Variants in FSD1L observed in about 807,000 individuals in gnomAD.
FSD1L encodes FSD1-like protein.
A neutral mutation model predicts 71.6 loss-of-function variants in FSD1L; 45 were observed. The observed-to-expected ratio is 0.63, with a 90% confidence interval of 0.49 to 0.81. FSD1L has a LOEUF of 0.81. Ranked by LOEUF, FSD1L falls within the 30% of genes least tolerant of loss-of-function variation. The pLI is 0.00. For missense variants in FSD1L, 561 were observed against 618.1 expected, an observed-to-expected ratio of 0.91 and a Z score of 0.98; for synonymous variants, 197 against 207.2, an observed-to-expected ratio of 0.95 and a Z score of 0.42.
At chr9:105,457,840 C>T (rs1411567746) in intron 1 of FSD1L, among the ~76,000 whole-genome samples, 2 of 152,226 alleles carry the variant, frequency 1.3e-5, no homozygotes, top group African/African-American at 4.8e-5. Context: ...TGTGGCCATA[C>T]GGGCAGCTCC....
chr9:105,482,016 C>T (rs538144009), intron 6 of FSD1L, among the ~76,000 whole-genome samples: 53 of 152,236 alleles, frequency 3.5e-4, no homozygotes, highest in African/African-American at 1.2e-3. Context: ...CTCAAGCTGT[C>T]CTCTCGCGTC....
rs1160407558 is a variant in FSD1L at position 105,551,751 on chromosome 9, ATTG to A, written c.*5273_*5275del. 5.9e-5 allele frequency: 9 copies of A among 152,166 alleles called. No individual in the cohort carries two copies. Among genetic ancestry groups the A allele is most frequent in the African/African-American group, 2.2e-4 (9 of 41,450 alleles). The allele number at this position is 152,166 out of a possible 1,614,324, so 9.4% of individuals were successfully genotyped here. On this transcript the variant is annotated 3_prime_UTR_variant, in exon 14 of 14. Transcript: ENST00000481272. Reference sequence around the variant, plus strand: ...AGAGCTGTAAAAGCTCTTGCACAGCATTGTTGTGTCAGTGTAGAATAGTGGCAT... The same window carrying A: ...AGAGCTGTAAAAGCTCTTGCACAGCATTGTGTCAGTGTAGAATAGTGGCAT...
At chr9:105,453,040 AGTT>A (rs1564073879) in intron 1 of FSD1L, among the ~76,000 whole-genome samples, 1 of 136,976 alleles carries the variant, frequency 7.3e-6, no homozygotes, top group African/African-American at 2.8e-5. Context: ...TCTGACCTAA[AGTT>A]GTTTTTTTTT....
At position 105,521,860 on chromosome 9, in the gene FSD1L, C is replaced by G. The variant is rs1835184287; in HGVS notation, c.1025+8924C>G. ...TTGCAGGTGTTTATTATAAACTCATCAAATATATTTCTTCTTGAACCTGCA... is the reference window on the plus strand; with the variant it reads ...TTGCAGGTGTTTATTATAAACTCATGAAATATATTTCTTCTTGAACCTGCA... On this transcript the variant is annotated intron_variant, in intron 10 of 13. Transcript: ENST00000481272. 3.7e-6 allele frequency: 6 copies of G among 1,612,384 alleles called. No individual in the cohort carries two copies. In the East Asian group the frequency reaches 1.3e-4, roughly 36 times the overall value.
intron 1 of FSD1L, among the ~76,000 whole-genome samples, chr9:105,453,409 C>A (rs1052240219): frequency 1.3e-5 from 2 of 152,104 alleles, no homozygotes; most frequent in Non-Finnish European, 2.9e-5. Flanking sequence ...TCTTGAACTC[C>A]TGCCTGACCT....
chr9:105,521,298 A>G, intron 10 of FSD1L: 1 of 1,614,236 alleles, frequency 6.2e-7, no homozygotes, highest in Admixed American at 1.7e-5. Context: ...CAGAGAAGAA[A>G]GCAAAAATGA....
At chr9:105,477,012 T>C (rs1233142545) in intron 5 of FSD1L, among the ~76,000 whole-genome samples, 1 of 152,226 alleles carries the variant, frequency 6.6e-6, no homozygotes, top group Admixed American at 6.5e-5. Context: ...CAGTTTTTCC[T>C]AGATTATCTG....
intron 4 of FSD1L, among the ~76,000 whole-genome samples, chr9:105,468,734 A>G (rs1831238288): frequency 6.6e-6 from 1 of 151,652 alleles, no homozygotes; most frequent in Admixed American, 6.6e-5. Context: ...ACCTCAGGTG[A>G]TCCACCCGTC....
upstream of FSD1L, among the ~76,000 whole-genome samples, chr9:105,445,135 A>G (rs77911744): frequency 4.6e-5 from 7 of 152,312 alleles, no homozygotes; most frequent in East Asian, 5.8e-4. Flanking sequence ...TGGGAGACTT[A>G]GAGCCCAGCT....
At chr9:105,449,746 C>G (rs1829871479) in intron 1 of FSD1L, among the ~76,000 whole-genome samples, 1 of 150,808 alleles carries the variant, frequency 6.6e-6, no homozygotes, top group Admixed American at 6.6e-5. Flanking sequence ...GATCATCATA[C>G]TTTATCAGGG....
At chr9:105,522,160 A>T in intron 10 of FSD1L, 5 of 1,614,034 alleles carry the variant, frequency 3.1e-6, no homozygotes, top group Non-Finnish European at 2.5e-6. Flanking sequence ...CTAAATGTGT[A>T]CATCTCCCGA....
intron 10 of FSD1L, among the ~76,000 whole-genome samples, chr9:105,516,355 C>T (rs980673654): frequency 2.6e-5 from 4 of 152,154 alleles, no homozygotes; most frequent in African/African-American, 7.2e-5. Flanking sequence ...GGTCAGACTG[C>T]CTCCTCAAGT....
At chr9:105,533,902 T>C (rs370573855) in intron 10 of FSD1L, among the ~76,000 whole-genome samples, 2 of 152,222 alleles carry the variant, frequency 1.3e-5, no homozygotes, top group East Asian at 3.9e-4. Context: ...TTTGTATTTT[T>C]AGTAGAGATG....
At chr9:105,447,099 G>C (rs1004014438), upstream of FSD1L, among the ~76,000 whole-genome samples, 2 of 151,878 alleles carry the variant, frequency 1.3e-5, no homozygotes, top group African/African-American at 2.4e-5. Flanking sequence ...TGAGGTGGGC[G>C]GACTGCCTGA....
At chr9:105,472,683 A>G (rs1006900944) in intron 5 of FSD1L, 4 of 152,230 alleles carry the variant, frequency 2.6e-5, no homozygotes, top group African/African-American at 9.6e-5. Context: ...AGTGAGCTGC[A>G]TTGTGTTAGA....
At chr9:105,523,101 A>G (rs1835286187) in intron 10 of FSD1L, 1 of 1,614,082 alleles carries the variant, frequency 6.2e-7, no homozygotes, top group Non-Finnish European at 8.5e-7. Context: ...CCATCATCAG[A>G]GTGCTGAAGA....
chr9:105,490,939 T>C (rs1440843694), intron 7 of FSD1L, among the ~76,000 whole-genome samples: 39 of 147,778 alleles, frequency 2.6e-4, no homozygotes, highest in Admixed American at 2.6e-3. Context: ...TCAGGTAGCG[T>C]GATGCCTCCA....
At chr9:105,444,717 G>A (rs1226816298), upstream of FSD1L, among the ~76,000 whole-genome samples, 2 of 152,180 alleles carry the variant, frequency 1.3e-5, no homozygotes, top group Middle Eastern at 3.2e-3. Flanking sequence ...GACTAGATAG[G>A]CTTTTTAAGA....
intron 13 of FSD1L, among the ~76,000 whole-genome samples, chr9:105,544,148 C>T (rs1275177632): frequency 1.3e-5 from 2 of 152,184 alleles, no homozygotes; most frequent in African/African-American, 4.8e-5. Context: ...GATGGTATCT[C>T]ATTGTAGTTT....
Sources: allele counts gnomAD v4.1 joint callset (sites outside exome capture counted in the v4.1 genomes callset), GRCh38; gene constraint gnomAD v4.1.1; transcripts MANE v1.5; gene names NCBI Gene and HGNC (gene_info 2026-07-23, HGNC 2026-07-21).